The following PRSS23 variants were observed in gnomAD, a reference collection of about 807,000 sequenced individuals.
The protein encoded by PRSS23 is serine protease 23.
Under a neutral mutation model 34.7 loss-of-function variants are expected in PRSS23, and 25 were observed. The observed-to-expected ratio is 0.72, with a 90% CI of 0.53 to 1.01. The LOEUF is 1.01. PRSS23 is among the 50% of genes least tolerant of loss of function. The pLI is 0.00. For synonymous variants in PRSS23, 176 were observed against 186.6 expected, an observed-to-expected ratio of 0.94 and a Z score of 0.46; for missense variants, 445 against 475.6, an observed-to-expected ratio of 0.94 and a Z score of 0.60.
chr11:86,941,091 G>C (rs1428127248), intron 2 of PRSS23: 1 of 152,140 alleles, frequency 6.6e-6, no homozygotes, highest in Non-Finnish European at 1.5e-5. Flanking sequence ...GGCAGACCAA[G>C]TTTTAAATGA....
At chr11:86,864,296 G>T (rs1565370190) in intron 2 of PRSS23, among the ~76,000 whole-genome samples, 1 of 152,174 alleles carries the variant, frequency 6.6e-6, no homozygotes. Context: ...GCAGGGGGTA[G>T]TCGAGGCAGT....
intron 2 of PRSS23, among the ~76,000 whole-genome samples, chr11:86,943,891 G>T (rs573627001): frequency 3.3e-5 from 5 of 151,724 alleles, no homozygotes; most frequent in African/African-American, 1.2e-4. Context: ...CTACAGGCGC[G>T]TGTCACACCT....
intron 2 of PRSS23, among the ~76,000 whole-genome samples, chr11:86,866,909 C>T (rs1389363767): frequency 4.6e-5 from 7 of 152,220 alleles, no homozygotes; most frequent in Admixed American, 6.5e-5. Context: ...CTGGGGCCTT[C>T]GCCAGGTGCA....
rs111989090 is a variant in PRSS23 at position 86,873,197 on chromosome 11, T to TAC, written c.206+49622_206+49623dup. Reference sequence around the variant, plus strand: ...AGGAAATTATATATATACATATATATACACACACACACACACACAGATATA... The same window carrying TAC: ...AGGAAATTATATATATACATATATATACACACACACACACACACACAGATATA... On this transcript the variant is annotated intron_variant, in intron 2 of 2. Coordinates refer to the PRSS23 transcript ENST00000533902. Among the ~76,000 whole-genome samples the TAC allele has an allele frequency of 3.3e-3, 442 of 135,108 alleles. 8 individuals carry two copies. Among genetic ancestry groups the TAC allele is most frequent in the Admixed American group, 0.016 (212 of 13,154 alleles). The allele number at this position is 135,108 out of a possible 152,430, so 88.6% of individuals were successfully genotyped here. A position where few individuals can be genotyped will look rare whatever the true frequency, so the allele number is the denominator to read the frequency against.
chr11:86,898,039 C>T (rs1948888046), intron 2 of PRSS23, among the ~76,000 whole-genome samples: 1 of 152,200 alleles, frequency 6.6e-6, no homozygotes, highest in Admixed American at 6.5e-5. Context: ...TAACATTCCC[C>T]ACAGATTACT....
rs73526353 is a variant in PRSS23, at chr11:86,845,215, C to T, written c.206+21622C>T. ...TACTTTTGCTATCTCCTGTGTGCCA[C>T]GCAAAATATAGACTCTGGAGAATCA... On this transcript the variant is annotated intron_variant, in intron 2 of 2. Coordinates refer to the PRSS23 transcript ENST00000533902. Among the ~76,000 whole-genome samples the T allele has an allele frequency of 5.3e-5, 8 of 152,114 alleles. 1 individual carries two copies. The highest frequency in any genetic ancestry group is 1.4e-4 in the African/African-American group (6 of 41,474).
At chr11:86,895,814 A>G (rs998933174) in intron 2 of PRSS23, among the ~76,000 whole-genome samples, 4 of 152,184 alleles carry the variant, frequency 2.6e-5, no homozygotes, top group Non-Finnish European at 5.9e-5. Context: ...GTTTTGCACT[A>G]TTGTGTAGCC....
chr11:86,848,598 C>T (rs542201182), intron 2 of PRSS23, among the ~76,000 whole-genome samples: 3 of 152,302 alleles, frequency 2.0e-5, no homozygotes, highest in African/African-American at 4.8e-5. Context: ...GGCACACCCC[C>T]GTAACTCCGG....
chr11:86,896,470 A>T (rs1948876760), intron 2 of PRSS23: 1 of 152,182 alleles, frequency 6.6e-6, no homozygotes. Flanking sequence ...CGATCCACCA[A>T]ATAGTTTTGT....
At chr11:86,812,787 C>CAAAAAAA (rs35855610), downstream of PRSS23, among the ~76,000 whole-genome samples, 3 of 83,854 alleles carry the variant, frequency 3.6e-5, no homozygotes, top group African/African-American at 8.3e-5. Context: ...GACTCTGTCT[C>CAAAAAAA]AAAAAAAAAA....
At chr11:86,798,939 C>A (rs12291288), upstream of PRSS23, among the ~76,000 whole-genome samples, 1 of 152,188 alleles carries the variant, frequency 6.6e-6, no homozygotes, top group African/African-American at 2.4e-5. Context: ...AAGCAATCTG[C>A]CCACTTTGGT....
chr11:86,905,002 G>A (rs1948933225), intron 2 of PRSS23, among the ~76,000 whole-genome samples: 1 of 152,208 alleles, frequency 6.6e-6, no homozygotes, highest in African/African-American at 2.4e-5. Flanking sequence ...GCTGCAGTGA[G>A]CTATGGTTAT....
chr11:86,808,047 G>A lies in PRSS23; in HGVS notation c.404G>A (p.Ser135Asn), dbSNP rs373750327. The A allele has an allele frequency of 6.2e-6, 10 of 1,613,922 alleles. No homozygotes were observed. In the African/African-American group the frequency reaches 9.4e-5, roughly 15 times the overall value. Reference protein sequence around the residue: ...RRKRQIYGYDSRFSIFGKDFL... With the variant: ...RRKRQIYGYDNRFSIFGKDFL... ...AAGCGGCAGATTTATGGCTATGACA[G>A]CAGGTTCAGCATTTTTGGGAAGGAC... Residue 135 changes from serine (S) to asparagine (N), a missense_variant, in exon 2 of 2, where the codon AGC (serine) becomes AAC (asparagine). By Grantham distance (46) the Ser-to-Asn change is conservative. Transcript: ENST00000280258.
At chr11:86,858,499 C>G (rs1425298939) in intron 2 of PRSS23, among the ~76,000 whole-genome samples, 1 of 150,970 alleles carries the variant, frequency 6.6e-6, no homozygotes, top group Non-Finnish European at 1.5e-5. Context: ...GGGTGTACAC[C>G]GCCCCTATGA....
chr11:86,821,459 G>A, intron 1 of PRSS23: 1 of 1,594,802 alleles, frequency 6.3e-7, no homozygotes, highest in Non-Finnish European at 8.6e-7. Context: ...TCTGGTATAG[G>A]CTATAGCAGG....
At chr11:86,823,899 G>A (rs1286835459) in intron 2 of PRSS23, among the ~76,000 whole-genome samples, 1 of 148,252 alleles carries the variant, frequency 6.7e-6, no homozygotes, top group East Asian at 2.1e-4. Context: ...CCAGCTACTC[G>A]GGAGGCTGAG....
At chr11:86,927,335 G>T (rs183248794) in intron 2 of PRSS23, among the ~76,000 whole-genome samples, 36 of 152,198 alleles carry the variant, frequency 2.4e-4, no homozygotes, top group African/African-American at 8.2e-4. Flanking sequence ...TCATACCGAG[G>T]TCTGATTGAC....
chr11:86,808,342 G>T lies in PRSS23; in HGVS notation c.699G>T (p.Trp233Cys), dbSNP rs780329410. 2 of 1,614,200 alleles carry T rather than the reference G, an allele frequency of 1.2e-6. No individual in the cohort carries two copies. Among genetic ancestry groups the T allele is most frequent in the Non-Finnish European group, 1.7e-6 (2 of 1,180,048 alleles). Residue 233 changes from tryptophan (W) to cysteine (C), a missense_variant, in exon 2 of 2, where the codon TGG (tryptophan) becomes TGT (cysteine). Coordinates refer to ENST00000280258, the MANE Select transcript of PRSS23 (RefSeq NM_007173.6). ...AACGCACCCATGTGCCCAAGGGTTG[G>T]ATCAAGGGCAATGCCAATGACATCG... ...RVKRTHVPKG[W>C]IKGNANDIGM...
downstream of PRSS23, among the ~76,000 whole-genome samples, chr11:86,812,369 G>A (rs1434313972): frequency 6.6e-6 from 1 of 152,178 alleles, no homozygotes; most frequent in Non-Finnish European, 1.5e-5. Flanking sequence ...AAATCCTTTT[G>A]ATGGGGTGGG....
Sources: allele counts gnomAD v4.1 joint callset (sites outside exome capture counted in the v4.1 genomes callset), GRCh38; gene constraint gnomAD v4.1.1; transcripts MANE v1.5; gene names NCBI Gene and HGNC (gene_info 2026-07-23, HGNC 2026-07-21).